DENND1B: variants seen among roughly 807,000 people sequenced by gnomAD.
DENND1B encodes DENN domain containing 1B.
DENND1B carries 59 observed loss-of-function variants against 90.1 expected under a neutral mutation model. That is an observed-to-expected ratio of 0.65 (90% CI 0.53 to 0.81). The LOEUF is 0.81. DENND1B is among the 40% of genes least tolerant of loss of function. DENND1B has a pLI of 0.00. For synonymous variants in DENND1B, 337 were observed against 324.6 expected (o/e 1.04, Z -0.41); for missense variants, 862 against 912.6 (o/e 0.94, Z 0.71).
intron 15 of DENND1B, among the ~76,000 whole-genome samples, chr1:197,572,590 G>A (rs1673269011): frequency 6.6e-6 from 1 of 152,216 alleles, no homozygotes; most frequent in Non-Finnish European, 1.5e-5. Flanking sequence ...TGAGCTCTGA[G>A]AATGGACAGA....
intron 15 of DENND1B, among the ~76,000 whole-genome samples, chr1:197,569,545 CA>C (rs895475011): frequency 7.3e-6 from 1 of 136,302 alleles, no homozygotes; most frequent in African/African-American, 2.8e-5. Context: ...TGGATGAATA[CA>C]AAAAGAAAAT....
chr1:197,647,581 C>T (rs958827852), intron 7 of DENND1B, among the ~76,000 whole-genome samples: 2 of 152,166 alleles, frequency 1.3e-5, no homozygotes, highest in Non-Finnish European at 2.9e-5. Context: ...CTTTAGGAGT[C>T]TGTTATTGAA....
chr1:197,507,429 C>A lies in DENND1B; in HGVS notation c.*3031G>T, dbSNP rs1043030111. The A allele has an allele frequency of 1.3e-5, 2 of 151,028 alleles. No homozygotes were observed. Among genetic ancestry groups the A allele is most frequent in the African/African-American group, 4.9e-5 (2 of 41,192 alleles). The allele number at this position is 151,028 out of a possible 1,614,324, so 9.4% of individuals were successfully genotyped here. On this transcript the variant is annotated 3_prime_UTR_variant, in exon 23 of 23. Coordinates refer to ENST00000620048, the MANE Select transcript of DENND1B (RefSeq NM_001195215.2). ...AAAGTAGGTAATCATCAAAAGATAC[C>A]ACTTAGTAATATTTTCACTTAAAAA...
chr1:197,612,226 A>G (rs2125849672), intron 11 of DENND1B, among the ~76,000 whole-genome samples: 1 of 150,674 alleles, frequency 6.6e-6, no homozygotes, highest in South Asian at 2.1e-4. Flanking sequence ...AAGAGTTATA[A>G]TGCCTAAAAA....
rs933031093 is a variant in DENND1B at position 197,508,039 on chromosome 1, T to C, written c.*2421A>G. ...TAAATATCCTCAAAGCAACACAGTA[T>C]TATAACCAAACACCTTGAAAGGTGG... On this transcript the variant is annotated 3_prime_UTR_variant, in exon 23 of 23. Transcript: ENST00000620048. 1.2e-4 allele frequency: 18 copies of C among 151,538 alleles called. No homozygotes were observed. Among genetic ancestry groups the C allele is most frequent in the African/African-American group, 4.1e-4 (17 of 41,338 alleles). The allele number at this position is 151,538 out of a possible 1,614,324, so 9.4% of individuals were successfully genotyped here. A position where few individuals can be genotyped will look rare whatever the true frequency, so the allele number is the denominator to read the frequency against.
rs897472369 is a variant in DENND1B at position 197,771,750 on chromosome 1, C to T, written c.82+1118G>A. 7.2e-5 allele frequency among the ~76,000 whole-genome samples: 11 copies of T among 152,150 alleles called. No individual in the cohort carries two copies. In the East Asian group the frequency reaches 1.9e-3, roughly 27 times the overall value. Reference sequence around the variant, plus strand: ...GGCTTTAGGATGGCCAATCAGTCTCCACGAAACCCCTATGCTTAATCATCA... The same window carrying T: ...GGCTTTAGGATGGCCAATCAGTCTCTACGAAACCCCTATGCTTAATCATCA... On this transcript the variant is annotated intron_variant, in intron 2 of 22. Transcript: ENST00000620048.
At chr1:197,555,047 A>T (rs944678410) in intron 15 of DENND1B, among the ~76,000 whole-genome samples, 1 of 152,074 alleles carries the variant, frequency 6.6e-6, no homozygotes, top group Non-Finnish European at 1.5e-5. Flanking sequence ...CAACCAACTG[A>T]TCTTTAACAA....
At chr1:197,543,687 G>C (rs1670509746) in intron 18 of DENND1B, among the ~76,000 whole-genome samples, 1 of 152,146 alleles carries the variant, frequency 6.6e-6, no homozygotes, top group Non-Finnish European at 1.5e-5. Flanking sequence ...GTTTCTAAGG[G>C]AAAATGATAA....
chr1:197,628,847 C>A (rs1263167271), intron 10 of DENND1B, among the ~76,000 whole-genome samples: 2 of 151,708 alleles, frequency 1.3e-5, no homozygotes, highest in African/African-American at 2.4e-5. Context: ...ACAAACAACC[C>A]CATCAAAAAG....
At position 197,645,876 on chromosome 1, in the gene DENND1B, A is replaced by G. The variant is rs985323693; in HGVS notation, c.508-133T>C. On this transcript the variant is annotated intron_variant, in intron 8 of 22. Transcript: ENST00000620048. ...TGGACTGACATTCAGGATTTGTTGA[A>G]TTTGAGAGATTCTTAAATGAGTTAG... 6 of 515,660 alleles carry G rather than the reference A, an allele frequency of 1.2e-5. No individual in the cohort carries two copies. The African/African-American group carries it at 1.2e-4, about 10-fold the overall frequency. The allele number at this position is 515,660 out of a possible 1,614,324, so 31.9% of individuals were successfully genotyped here.
intron 5 of DENND1B, among the ~76,000 whole-genome samples, chr1:197,666,563 ACTT>A (rs1424492875): frequency 2.0e-5 from 3 of 152,230 alleles, no homozygotes; most frequent in African/African-American, 7.2e-5. Flanking sequence ...ATTTTATCAA[ACTT>A]CTCAATAAAT....
intron 15 of DENND1B, among the ~76,000 whole-genome samples, chr1:197,569,957 A>G (rs1673010241): frequency 6.6e-6 from 1 of 152,194 alleles, no homozygotes; most frequent in South Asian, 2.1e-4. Flanking sequence ...TGTTAATTAC[A>G]TGAGTTAACT....
At chr1:197,629,000 T>G (rs867234465) in intron 10 of DENND1B, among the ~76,000 whole-genome samples, 15 of 152,118 alleles carry the variant, frequency 9.9e-5, no homozygotes, top group South Asian at 4.2e-4. Context: ...CCAGTTAGAA[T>G]GAACATCATT....
chr1:197,714,699 G>T (rs887610249), intron 3 of DENND1B, among the ~76,000 whole-genome samples: 2 of 152,044 alleles, frequency 1.3e-5, no homozygotes, highest in Non-Finnish European at 2.9e-5. Context: ...ATTTAACAAA[G>T]ATTTCATATT....
In DENND1B at chr1:197,735,454, C is replaced by T. The variant is rs1193600558; in HGVS notation, c.83-20380G>A. On this transcript the variant is annotated intron_variant, in intron 2 of 22. Coordinates refer to ENST00000620048, the MANE Select transcript of DENND1B (RefSeq NM_001195215.2). ...TCTGAAGCTACTTCTCATGGGTTCTCGGGTACATTTCCTTTGTTAGAAGAA... is the reference window on the plus strand; with the variant it reads ...TCTGAAGCTACTTCTCATGGGTTCTTGGGTACATTTCCTTTGTTAGAAGAA... 6.2e-5 allele frequency: 93 copies of T among 1,508,990 alleles called. No homozygotes were observed. The South Asian group carries it at 7.4e-4, about 12-fold the overall frequency. 93.5% of individuals were successfully genotyped at this position (1,508,990 alleles called of 1,614,324 possible). A position where few individuals can be genotyped will look rare whatever the true frequency, so the allele number is the denominator to read the frequency against.
intron 15 of DENND1B, among the ~76,000 whole-genome samples, chr1:197,562,257 A>G (rs146200007): frequency 6.6e-6 from 1 of 151,982 alleles, no homozygotes; most frequent in East Asian, 1.9e-4. Flanking sequence ...CTATTATACA[A>G]TGGATACAGG....
intron 11 of DENND1B, among the ~76,000 whole-genome samples, chr1:197,614,634 A>T (rs1211953159): frequency 1.3e-5 from 2 of 151,008 alleles, no homozygotes; most frequent in East Asian, 3.9e-4. Flanking sequence ...ATTCACCTGT[A>T]CTTAAGAATA....
chr1:197,672,963 T>A (rs1655672940), intron 4 of DENND1B, among the ~76,000 whole-genome samples: 1 of 151,988 alleles, frequency 6.6e-6, no homozygotes, highest in Admixed American at 6.6e-5. Context: ...TGCTTCCTTG[T>A]CCCAAAATAA....
intron 4 of DENND1B, among the ~76,000 whole-genome samples, 188 bp from the exon 5 acceptor site, chr1:197,672,344 G>A (rs971140928): frequency 6.6e-6 from 1 of 152,014 alleles, no homozygotes; most frequent in Non-Finnish European, 1.5e-5. Flanking sequence ...AAAATAAGTT[G>A]TAATACCTCA....
Sources: allele counts gnomAD v4.1 joint callset (sites outside exome capture counted in the v4.1 genomes callset), GRCh38; gene constraint gnomAD v4.1.1; transcripts MANE v1.5; gene names NCBI Gene and HGNC (gene_info 2026-07-23, HGNC 2026-07-21).